TYW1: variants seen among roughly 807,000 people sequenced by gnomAD.
TYW1 encodes the protein tRNA-yW synthesizing protein 1 homolog.
TYW1 carries 46 observed loss-of-function variants against 96.2 expected under a neutral mutation model. The observed-to-expected ratio is 0.48, with a 90% CI of 0.38 to 0.61. The LOEUF (loss-of-function observed/expected upper bound fraction) is 0.61. Among genes scored for constraint, TYW1 ranks in the 20% least tolerant of loss-of-function variants. The pLI is 0.00. For missense variants in TYW1, 684 were observed against 909.6 expected, an observed-to-expected ratio of 0.75 and a Z score of 3.19; for synonymous variants, 274 against 323.0, an observed-to-expected ratio of 0.85 and a Z score of 1.63.
chr7:67,130,093 A>G (rs1257762283), intron 13 of TYW1, among the ~76,000 whole-genome samples: 1 of 151,824 alleles, frequency 6.6e-6, no homozygotes, highest in Non-Finnish European at 1.5e-5. Flanking sequence ...TATAGAAGTA[A>G]TTATAGGCCG....
Position 67,034,381 on chromosome 7 carries a change from C to T in TYW1, c.984+9359C>T, listed in dbSNP as rs1250503443. ...TTGGCCTCCCAAAGTGCTGGGATTA[C>T]AGTCGTGAGCCACTGTGCCCGGCCT... On this transcript the variant is annotated intron_variant, in intron 7 of 15. Coordinates refer to ENST00000359626, the MANE Select transcript of TYW1 (RefSeq NM_018264.4). Among the ~76,000 whole-genome samples, 9 of 152,176 alleles carry T rather than the reference C, an allele frequency of 5.9e-5. 1 individual carries two copies. In the South Asian group the frequency reaches 6.2e-4, roughly 10 times the overall value.
chr7:67,044,659 G>T (rs1391601364), intron 7 of TYW1, among the ~76,000 whole-genome samples: 1 of 152,008 alleles, frequency 6.6e-6, no homozygotes, highest in African/African-American at 2.4e-5. Flanking sequence ...AGAGTCTGTT[G>T]CCCAGGCTGG....
intron 11 of TYW1, among the ~76,000 whole-genome samples, chr7:67,096,658 T>C (rs1214329360): frequency 6.6e-6 from 1 of 151,950 alleles, no homozygotes; most frequent in African/African-American, 2.4e-5. Context: ...GGGGGTTTGT[T>C]GTACAGATTA....
intron 7 of TYW1, among the ~76,000 whole-genome samples, chr7:67,045,462 C>T (rs778163485): frequency 1.3e-5 from 2 of 152,122 alleles, no homozygotes; most frequent in African/African-American, 2.4e-5. Flanking sequence ...AACCAGTCTT[C>T]CTGCCTTGGC....
chr7:67,000,453 C>A (rs910619560), intron 3 of TYW1, among the ~76,000 whole-genome samples: 1 of 152,030 alleles, frequency 6.6e-6, no homozygotes, highest in Non-Finnish European at 1.5e-5. Flanking sequence ...TGCCTGCCAT[C>A]ACATCTAGTT....
intron 7 of TYW1, among the ~76,000 whole-genome samples, chr7:67,043,998 A>T (rs1432359909): frequency 6.6e-6 from 1 of 152,014 alleles, no homozygotes; most frequent in African/African-American, 2.4e-5. Flanking sequence ...AGCAAAAGTT[A>T]TTAAATATTA....
intron 15 of TYW1, among the ~76,000 whole-genome samples, chr7:67,204,564 C>CTTTCT (rs34252014): frequency 6.5e-5 from 9 of 139,162 alleles, no homozygotes; most frequent in Non-Finnish European, 9.2e-5. Flanking sequence ...CTTCTTCTTT[C>CTTTCT]TTCTTCCTTC....
At chr7:67,153,689 G>A (rs1474869262) in intron 13 of TYW1, among the ~76,000 whole-genome samples, 3 of 152,156 alleles carry the variant, frequency 2.0e-5, no homozygotes, top group Non-Finnish European at 2.9e-5. Context: ...CCTAGAAGGA[G>A]TATCTATTTA....
chr7:67,226,791 C>T (rs1413726981), intron 15 of TYW1, among the ~76,000 whole-genome samples: 2 of 152,032 alleles, frequency 1.3e-5, no homozygotes, highest in Admixed American at 6.6e-5. Context: ...TAAAAATCAC[C>T]CCTCAGTATT....
Position 67,050,532 on chromosome 7 carries a change from TC to T in TYW1, c.1102+470del, listed in dbSNP as rs573735136. On this transcript the variant is annotated intron_variant, in intron 8 of 15. Coordinates refer to ENST00000359626, the MANE Select transcript of TYW1 (RefSeq NM_018264.4). ...ACCGACCTCCTTTCCTTCATCCCCC[TC>T]CCCACTTCCCCTCTATATTTATGAG... Among the ~76,000 whole-genome samples, 255 of 152,080 alleles carry T rather than the reference TC, an allele frequency of 1.7e-3. 4 individuals are homozygous for T. Among genetic ancestry groups the T allele is most frequent in the African/African-American group, 5.8e-3 (240 of 41,474 alleles).
At chr7:67,172,430 C>CCTTTTTT (rs777213368) in intron 13 of TYW1, among the ~76,000 whole-genome samples, 34 of 143,948 alleles carry the variant, frequency 2.4e-4, no homozygotes, top group Middle Eastern at 3.6e-3. Context: ...CCTTACCATT[C>CCTTTTTT]TTTTTTTTGA....
At chr7:67,029,894 T>C (rs1814383644) in intron 7 of TYW1, among the ~76,000 whole-genome samples, 1 of 152,034 alleles carries the variant, frequency 6.6e-6, no homozygotes, top group South Asian at 2.1e-4. Flanking sequence ...AGAGACAAGG[T>C]CTCACCATGT....
At chr7:67,145,650 A>T (rs538536942) in intron 13 of TYW1, among the ~76,000 whole-genome samples, 4 of 152,188 alleles carry the variant, frequency 2.6e-5, no homozygotes, top group Non-Finnish European at 2.9e-5. Flanking sequence ...CATTGGGTAT[A>T]TATTTCCTAT....
Position 66,998,906 on chromosome 7 carries a change from T to G in TYW1, c.225T>G (p.Phe75Leu). 13 of 1,614,154 alleles carry G rather than the reference T, an allele frequency of 8.1e-6. No individual in the cohort carries two copies. Among genetic ancestry groups the G allele is most frequent in the Non-Finnish European group, 1.1e-5 (13 of 1,180,012 alleles). ...TCTCCCTTCAAGAGAAAGACATCTT[T>G]GTGTCTGGAGTGAAGATTTTTTATG... Reference protein sequence around the residue: ...GYVSLQEKDIFVSGVKIFYGS... With the variant: ...GYVSLQEKDILVSGVKIFYGS... Residue 75 changes from phenylalanine to leucine, a missense_variant, in exon 3 of 16, where the codon TTT becomes TTG. Phe to Leu is a conservative substitution (Grantham distance 22, BLOSUM62 0). Coordinates refer to ENST00000359626, the MANE Select transcript of TYW1 (RefSeq NM_018264.4).
intron 3 of TYW1, among the ~76,000 whole-genome samples, chr7:67,000,113 T>G (rs184228482): frequency 6.6e-6 from 1 of 151,938 alleles, no homozygotes; most frequent in African/African-American, 2.4e-5. Flanking sequence ...TTTTTGTACT[T>G]TTTGTAGAGA....
At chr7:67,074,836 T>C (rs111909982) in intron 10 of TYW1, among the ~76,000 whole-genome samples, 1 of 152,090 alleles carries the variant, frequency 6.6e-6, no homozygotes, top group Non-Finnish European at 1.5e-5. Flanking sequence ...AGTGGGTTTT[T>C]TTTTTTATTC....
intron 14 of TYW1, among the ~76,000 whole-genome samples, chr7:67,187,803 G>C (rs1800077715): frequency 6.6e-6 from 1 of 152,164 alleles, no homozygotes; most frequent in African/African-American, 2.4e-5. Context: ...TTGGGAGAAG[G>C]GGAGGGAAAT....
At chr7:67,139,473 A>G (rs2116103398) in intron 13 of TYW1, among the ~76,000 whole-genome samples, 1 of 152,278 alleles carries the variant, frequency 6.6e-6, no homozygotes, top group Non-Finnish European at 1.5e-5. Context: ...ATGTGTATAT[A>G]TGTACATATA....
At chr7:67,089,495 C>G (rs1323620272) in intron 11 of TYW1, 3 of 946,572 alleles carry the variant, frequency 3.2e-6, no homozygotes, top group Non-Finnish European at 5.0e-6. Context: ...TTACCTCACT[C>G]TGGCTTGGAG....
Sources: allele counts gnomAD v4.1 joint callset (sites outside exome capture counted in the v4.1 genomes callset), GRCh38; gene constraint gnomAD v4.1.1; transcripts MANE v1.5; gene names NCBI Gene and HGNC (gene_info 2026-07-23, HGNC 2026-07-21).